The following SH3RF1 variants were observed in gnomAD, a reference collection of about 807,000 sequenced individuals.
SH3RF1 encodes the protein SH3 domain containing ring finger 1.
In SH3RF1, 32 loss-of-function variants were observed where a neutral mutation model predicts 74.0. The ratio of observed to expected loss-of-function variants is 0.43; its 90% CI spans 0.33 to 0.58. The LOEUF is 0.58. Among genes scored for constraint, SH3RF1 ranks in the 20% least tolerant of loss-of-function variants. The probability of loss-of-function intolerance (pLI) is 0.05; values close to 1 mark genes in which losing one functional copy is unlikely to be tolerated. For synonymous variants in SH3RF1, 396 were observed against 439.6 expected (o/e 0.90, Z 1.24); for missense variants, 954 against 1,130.9 (o/e 0.84, Z 2.24).
At chr4:169,177,170 T>C (rs2126976565) in intron 2 of SH3RF1, among the ~76,000 whole-genome samples, 1 of 152,332 alleles carries the variant, frequency 6.6e-6, no homozygotes, top group East Asian at 1.9e-4. Flanking sequence ...AATTCAATTA[T>C]TACAAAGCAA....
At chr4:169,191,038 A>G (rs1049910084) in intron 2 of SH3RF1, among the ~76,000 whole-genome samples, 5 of 152,124 alleles carry the variant, frequency 3.3e-5, no homozygotes, top group Non-Finnish European at 5.9e-5. Context: ...TACGATTAAA[A>G]CTCTGGGCAA....
chr4:169,117,879 T>TA, intron 8 of SH3RF1, 97 bp from the exon 9 acceptor site: 1 of 1,368,802 alleles, frequency 7.3e-7, no homozygotes, highest in Non-Finnish European at 9.8e-7. Flanking sequence ...GCTTTAAACA[T>TA]AGAACATTTT....
chr4:169,101,674 CAAAA>C (rs3070770), intron 11 of SH3RF1, among the ~76,000 whole-genome samples: 3 of 85,762 alleles, frequency 3.5e-5, no homozygotes, highest in African/African-American at 4.1e-5. Context: ...AAAAAAAAGG[CAAAA>C]AAAAAAAAAA....
At position 169,107,221 on chromosome 4, in the gene SH3RF1, A is replaced by C. The variant is rs1733161014; in HGVS notation, c.2140-16T>G. On this transcript the variant is annotated splice_polypyrimidine_tract_variant and intron_variant, in intron 10 of 11. Transcript: ENST00000284637. Reference sequence around the variant, plus strand: ...TTTTTTCTTTCTGGAAAAAAAAAATAATGAGCCTTAGTTGGAGAATGACAG... The same window carrying C: ...TTTTTTCTTTCTGGAAAAAAAAAATCATGAGCCTTAGTTGGAGAATGACAG... 1.3e-6 allele frequency: 2 copies of C among 1,516,522 alleles called. No homozygotes were observed. Among genetic ancestry groups the C allele is most frequent in the Non-Finnish European group, 1.8e-6 (2 of 1,129,554 alleles). 93.9% of individuals were successfully genotyped at this position (1,516,522 alleles called of 1,614,324 possible).
chr4:169,137,218 C>T (rs1382461904), intron 4 of SH3RF1, among the ~76,000 whole-genome samples: 1 of 152,168 alleles, frequency 6.6e-6, no homozygotes, highest in African/African-American at 2.4e-5. Flanking sequence ...TTTGTCATGT[C>T]ATTGTATCAG....
chr4:169,141,628 TGATATA>T (rs938838188), intron 4 of SH3RF1, among the ~76,000 whole-genome samples: 1 of 151,258 alleles, frequency 6.6e-6, no homozygotes, highest in African/African-American at 2.4e-5. Context: ...TCTTATAGAC[TGATATA>T]AATACTTTTT....
chr4:169,189,611 C>T (rs1319005546), intron 2 of SH3RF1, among the ~76,000 whole-genome samples: 1 of 152,136 alleles, frequency 6.6e-6, no homozygotes, highest in African/African-American at 2.4e-5. Context: ...AAAAATAAAA[C>T]CAGTGGTGGC....
chr4:169,172,357 A>C lies in SH3RF1; in HGVS notation c.394-15678T>G, dbSNP rs77535546. Among the ~76,000 whole-genome samples the C allele has an allele frequency of 9.1e-3, 1,385 of 152,366 alleles. 26 individuals carry two copies. The highest frequency in any genetic ancestry group is 0.032 in the African/African-American group (1,327 of 41,586). ...CTCCTTATTTTAAGAATATGCCCGT[A>C]CATGGATATACCTGTACTCAGAAAA... On this transcript the variant is annotated intron_variant, in intron 2 of 11. Transcript: ENST00000284637.
At chr4:169,193,248 T>C (rs903262144) in intron 2 of SH3RF1, among the ~76,000 whole-genome samples, 5 of 152,120 alleles carry the variant, frequency 3.3e-5, no homozygotes, top group African/African-American at 1.2e-4. Flanking sequence ...CTCACTTATG[T>C]AACCAAACAC....
chr4:169,184,904 C>T (rs762872631), intron 2 of SH3RF1, among the ~76,000 whole-genome samples: 2 of 152,088 alleles, frequency 1.3e-5, no homozygotes, highest in African/African-American at 2.4e-5. Flanking sequence ...GTGAGATAAA[C>T]GGTTTTATTT....
chr4:169,229,271 C>A (rs1405316210), intron 2 of SH3RF1, among the ~76,000 whole-genome samples: 1 of 152,108 alleles, frequency 6.6e-6, no homozygotes, highest in Non-Finnish European at 1.5e-5. Context: ...AAAAACAGTT[C>A]TTTTGTCAAA....
chr4:169,117,836 A>G (rs561675662), intron 8 of SH3RF1, 54 bp from the exon 9 acceptor site: 1 of 1,562,886 alleles, frequency 6.4e-7, no homozygotes, highest in East Asian at 2.3e-5. Context: ...AAATGACAGA[A>G]AGAACAATTA....
intron 1 of SH3RF1, chr4:169,270,612 T>A (rs1262718316): frequency 6.6e-6 from 1 of 152,008 alleles, no homozygotes; most frequent in Non-Finnish European, 1.5e-5. Flanking sequence ...AAGCAGGGGG[T>A]GCTGGGCTGC....
chr4:169,099,851 C>T (rs767422316), intron 11 of SH3RF1, among the ~76,000 whole-genome samples: 15 of 151,928 alleles, frequency 9.9e-5, no homozygotes, highest in African/African-American at 2.2e-4. Context: ...TCTGGGGGGG[C>T]GGGTGGAATG....
intron 11 of SH3RF1, among the ~76,000 whole-genome samples, chr4:169,103,035 C>T (rs1733066813): frequency 6.7e-6 from 1 of 148,902 alleles, no homozygotes; most frequent in Non-Finnish European, 1.5e-5. Context: ...ATTTCTCTGC[C>T]TCAGCCTCCC....
rs1215056132 is a variant in SH3RF1 at position 169,174,581 on chromosome 4, CAAT to C, written c.394-17905_394-17903del. On this transcript the variant is annotated intron_variant, in intron 2 of 11. Coordinates refer to ENST00000284637, the MANE Select transcript of SH3RF1 (RefSeq NM_020870.4). ...ATCTCCTTTGGGTGTTTTTCTTTCT[CAAT>C]TGCTCCATCTTCTGACATTTGCTCT... Among the ~76,000 whole-genome samples the C allele has an allele frequency of 2.0e-5, 3 of 152,158 alleles. No homozygotes were observed. The East Asian group carries it at 5.8e-4, about 29-fold the overall frequency.
chr4:169,109,373 CA>C (rs1381899602), intron 10 of SH3RF1, among the ~76,000 whole-genome samples: 2 of 152,204 alleles, frequency 1.3e-5, no homozygotes, highest in Non-Finnish European at 2.9e-5. Flanking sequence ...TGACTTAATT[CA>C]TCTAAAATGA....
intron 2 of SH3RF1, among the ~76,000 whole-genome samples, chr4:169,259,047 T>C (rs1014406733): frequency 6.6e-6 from 1 of 152,188 alleles, no homozygotes; most frequent in South Asian, 2.1e-4. Context: ...TGAAGCATCC[T>C]ATAGCTAACT....
At position 169,264,442 on chromosome 4, in the gene SH3RF1, C is replaced by T. The variant is rs147806982; in HGVS notation, c.393+4378G>A. On this transcript the variant is annotated intron_variant, in intron 2 of 11. Coordinates refer to ENST00000284637, the MANE Select transcript of SH3RF1 (RefSeq NM_020870.4). Reference sequence around the variant, plus strand: ...GAGGTACTAGGAGTTAGAACTTCAACGTAGCAATGTTGGGGGACATAATTC... The same window carrying T: ...GAGGTACTAGGAGTTAGAACTTCAATGTAGCAATGTTGGGGGACATAATTC... Among the ~76,000 whole-genome samples the T allele has an allele frequency of 3.7e-4, 57 of 152,236 alleles. 1 individual carries two copies. The East Asian group carries it at 6.9e-3, about 19-fold the overall frequency.
Sources: gnomAD v4.1 joint callset for allele counts (sites outside exome capture counted in the v4.1 genomes callset) on GRCh38, gnomAD v4.1.1 for gene constraint, MANE v1.5 for transcripts, NCBI Gene and HGNC (gene_info 2026-07-23, HGNC 2026-07-21) for gene names.